Variants in GAK observed in about 807,000 individuals in gnomAD.
GAK encodes the protein cyclin G associated kinase.
In GAK, 79 loss-of-function variants were observed where a neutral mutation model predicts 143.9. The ratio of observed to expected loss-of-function variants is 0.55; its 90% CI spans 0.46 to 0.66. The LOEUF is 0.66. Ranked by LOEUF, GAK falls within the 30% of genes least tolerant of loss-of-function variation. GAK has a pLI of 0.00. For missense variants in GAK, 1,693 were observed against 1,779.7 expected (o/e 0.95, Z 0.88); for synonymous variants, 881 against 765.5 (o/e 1.15, Z -2.49).
intron 26 of GAK, 33 bp from the exon 27 acceptor site, chr4:850,101 G>A (rs753452389): frequency 2.0e-6 from 3 of 1,529,670 alleles, no homozygotes; most frequent in African/African-American, 1.4e-5. Flanking sequence ...CGAGCCCTGG[G>A]CACCTGCCTG....
chr4:901,327 T>C (rs913611603), intron 5 of GAK, among the ~76,000 whole-genome samples: 3 of 151,058 alleles, frequency 2.0e-5, no homozygotes, highest in African/African-American at 7.3e-5. Context: ...AGCCACGGCC[T>C]TGGATCCCCC....
chr4:905,415 AGGCCACGCTACAGACTC>A (rs1389131937), intron 4 of GAK, among the ~76,000 whole-genome samples: 171 of 152,214 alleles, frequency 1.1e-3, no homozygotes, highest in African/African-American at 4.0e-3. Context: ...CCCTGGCCCC[AGGCCACGCTACAGACTC>A]TGCCACGCCG....
chr4:914,507 AC>A (rs1722699279), intron 1 of GAK, among the ~76,000 whole-genome samples: 1 of 46,340 alleles, frequency 2.2e-5, no homozygotes, highest in African/African-American at 8.9e-5. Context: ...GCACGGCCCC[AC>A]ACACACACAG....
At chr4:911,353 C>T (rs1183113096) in intron 4 of GAK, among the ~76,000 whole-genome samples, 1 of 152,200 alleles carries the variant, frequency 6.6e-6, no homozygotes, top group Non-Finnish European at 1.5e-5. Flanking sequence ...CCCTGCTAAA[C>T]ACCACTCACG....
intron 23 of GAK, among the ~76,000 whole-genome samples, chr4:862,565 G>A (rs926429506): frequency 3.4e-4 from 52 of 152,240 alleles, no homozygotes; most frequent in African/African-American, 1.3e-3. Context: ...GGCTGAGGCA[G>A]GAGAATGGTG....
chr4:894,023 A>G lies in GAK; in HGVS notation c.742-14T>C, dbSNP rs1366301716. The stretch of plus-strand genomic sequence containing the variant: ...GCAGCCCAGGGCCTGCGGGGAGAGC[A>G]GGGGTGATGCCTAGGCCCACGGGGA... On this transcript the variant is annotated splice_polypyrimidine_tract_variant and intron_variant, in intron 7 of 27. Coordinates refer to ENST00000314167, the MANE Select transcript of GAK (RefSeq NM_005255.4). 1.9e-6 allele frequency: 3 copies of G among 1,586,538 alleles called. No individual in the cohort carries two copies. The South Asian group carries it at 3.4e-5, about 18-fold the overall frequency.
At chr4:884,189 T>C in intron 11 of GAK, 103 bp from the exon 12 acceptor site, 1 of 1,002,978 alleles carries the variant, frequency 1.0e-6, no homozygotes, top group East Asian at 2.4e-5. Context: ...CGTGGGGCTC[T>C]CACTGTAGAG....
intron 24 of GAK, chr4:852,913 G>C (rs978121502): frequency 1.3e-5 from 2 of 152,230 alleles, no homozygotes; most frequent in African/African-American, 4.8e-5. Flanking sequence ...AGCTGGACTC[G>C]TGTGTGTGAG....
At chr4:914,555 G>A (rs1487873396) in intron 1 of GAK, among the ~76,000 whole-genome samples, 7 of 90,934 alleles carry the variant, frequency 7.7e-5, no homozygotes, top group Admixed American at 1.3e-4. Context: ...CAGCCCCAGC[G>A]TGCACGGCCC....
chr4:883,262 G>A (rs1258549178), intron 13 of GAK, 53 bp downstream of exon 13: 1 of 1,596,170 alleles, frequency 6.3e-7, no homozygotes, highest in East Asian at 2.2e-5. Flanking sequence ...CCCCTGCACT[G>A]GAGCGGAAGG....
chr4:898,044 C>T lies in GAK; in HGVS notation c.640G>A (p.Val214Met). 6.2e-7 allele frequency: 1 copy of T among 1,613,128 alleles called. No homozygotes were observed. Among genetic ancestry groups the T allele is most frequent in the Non-Finnish European group, 8.5e-7 (1 of 1,179,622 alleles). Residue 214 changes from valine to methionine, a missense_variant, in exon 6 of 28, where the codon GTG becomes ATG. This residue lies in a region of GAK where 871 missense variants were observed against 991.0 expected (regional missense o/e 0.88). Coordinates refer to ENST00000314167, the MANE Select transcript of GAK (RefSeq NM_005255.4). ...CCCACTCAGCTCACCTCTTCCTCCA[C>T]CAGGGCTCGCCTCTGGGCGCTCCAG... The part of the protein sequence containing the change: ...YSWSAQRRAL[V>M]EEEITRNTTP...
At chr4:863,058 A>G (rs909124481) in intron 23 of GAK, among the ~76,000 whole-genome samples, 3 of 152,256 alleles carry the variant, frequency 2.0e-5, no homozygotes, top group African/African-American at 7.2e-5. Flanking sequence ...GAAAGGATTC[A>G]CCATTCTAGA....
At chr4:875,887 G>A (rs944071853) in intron 18 of GAK, among the ~76,000 whole-genome samples, 2 of 152,224 alleles carry the variant, frequency 1.3e-5, no homozygotes, top group African/African-American at 2.4e-5. Context: ...GTTGCAGTGA[G>A]CCGAGATTGC....
chr4:887,249 T>C (rs1355167855), intron 11 of GAK: 5 of 135,316 alleles, frequency 3.7e-5, no homozygotes, highest in Admixed American at 1.4e-4. Context: ...CGTGTACACA[T>C]GCACGCGGCT....
At chr4:920,765 A>C (rs974061512) in intron 1 of GAK, among the ~76,000 whole-genome samples, 2 of 151,808 alleles carry the variant, frequency 1.3e-5, no homozygotes, top group Admixed American at 6.6e-5. Flanking sequence ...GATGGTCTCG[A>C]TCTCCTGACC....
In GAK at chr4:856,224, TCACCAC is replaced by T. The variant is rs35821365; in HGVS notation, c.3283+3376_3283+3381del. ...GCTCACACCTGCTCACCACAGCTGC[TCACCAC>T]CACAGCTGCTCACACCTGCTCACCA... is the stretch of plus-strand genomic sequence containing the variant. On this transcript the variant is annotated intron_variant, in intron 24 of 27. Transcript: ENST00000314167. Among the ~76,000 whole-genome samples the T allele has an allele frequency of 1.0e-4, 14 of 138,620 alleles. No individual in the cohort carries two copies. In the South Asian group the frequency reaches 3.1e-3, roughly 30 times the overall value. 90.9% of individuals were successfully genotyped at this position (138,620 alleles called of 152,430 possible). A position where few individuals can be genotyped will look rare whatever the true frequency, so the allele number is the denominator to read the frequency against.
intron 15 of GAK, among the ~76,000 whole-genome samples, chr4:879,498 CCTTA>C (rs35541465): frequency 0.26 from 39,787 of 151,960 alleles, 5,532 homozygotes; most frequent in South Asian, 0.49. Flanking sequence ...GAAGAAAAAC[CCTTA>C]CTGTTTGTTC....
chr4:851,962 C>G lies in GAK; in HGVS notation c.3296G>C (p.Gly1099Ala), dbSNP rs775648883. 1.9e-6 allele frequency: 3 copies of G among 1,613,592 alleles called. No individual in the cohort carries two copies. Among genetic ancestry groups the G allele is most frequent in the Non-Finnish European group, 1.7e-6 (2 of 1,179,774 alleles). Reference protein sequence around the residue: ...LSSGLQGSPAGFPPGGFIPKT... With the variant: ...LSSGLQGSPAAFPPGGFIPKT... ...GGGAATGAAGCCCCCAGGAGGGAATCCAGCTGGTGAGCCTGTGGAGATGGA... is the reference window on the plus strand; with the variant it reads ...GGGAATGAAGCCCCCAGGAGGGAATGCAGCTGGTGAGCCTGTGGAGATGGA... Residue 1099 changes from glycine to alanine, a missense_variant, in exon 25 of 28, where the codon GGA (glycine) becomes GCA (alanine). By Grantham distance (60) the Gly-to-Ala change is moderately conservative. Coordinates refer to ENST00000314167, the MANE Select transcript of GAK (RefSeq NM_005255.4).
rs1258919020 is a variant in GAK at position 850,074 on chromosome 4, G to A, written c.3658-6C>T. The A allele has an allele frequency of 3.8e-6, 6 of 1,561,626 alleles. No homozygotes were observed. The highest frequency in any genetic ancestry group is 5.2e-6 in the Non-Finnish European group (6 of 1,145,596). On this transcript the variant is annotated splice_polypyrimidine_tract_variant and splice_region_variant and intron_variant, in intron 26 of 27. Transcript: ENST00000314167. The stretch of plus-strand genomic sequence containing the variant: ...CCCTCAATCCAGTCCAGGAGCTGCG[G>A]GAGACACGGAGCTTGCCGAGCCCTG...
Sources: gnomAD v4.1 joint callset for allele counts (sites outside exome capture counted in the v4.1 genomes callset) on GRCh38, gnomAD v4.1.1 for gene constraint, gnomAD v4.1.1 regional missense constraint, MANE v1.5 for transcripts, NCBI Gene and HGNC (gene_info 2026-07-23, HGNC 2026-07-21) for gene names.